The following RFT1 variants were observed in gnomAD, a reference collection of about 807,000 sequenced individuals.
RFT1 encodes man(5)GlcNAc(2)-PP-dolichol translocation protein RFT1.
A neutral mutation model predicts 62.2 loss-of-function variants in RFT1; 43 were observed. The observed-to-expected ratio is 0.69, with a 90% CI of 0.54 to 0.89. RFT1 has a LOEUF of 0.89. Ranked by LOEUF, RFT1 falls within the 40% of genes least tolerant of loss-of-function variation. The pLI is 0.00. For synonymous variants in RFT1, 262 were observed against 264.6 expected (o/e 0.99, Z 0.10); for missense variants, 605 against 649.9 (o/e 0.93, Z 0.75).
downstream of RFT1, among the ~76,000 whole-genome samples, chr3:53,085,295 C>T (rs1700832831): frequency 6.6e-6 from 1 of 152,162 alleles, no homozygotes; most frequent in Admixed American, 6.5e-5. Flanking sequence ...CAGAGCCTGG[C>T]CCCTGCCAGC....
chr3:53,107,057 G>T (rs557690748), intron 7 of RFT1, among the ~76,000 whole-genome samples, 188 bp from the exon 8 acceptor site: 1 of 151,548 alleles, frequency 6.6e-6, no homozygotes, highest in East Asian at 1.9e-4. Flanking sequence ...GGAAAGTGCT[G>T]AGGACTTTAT....
At chr3:53,121,627 C>T (rs1002815283) in intron 5 of RFT1, 72 bp downstream of exon 5, 23 of 1,196,056 alleles carry the variant, frequency 1.9e-5, no homozygotes, top group Middle Eastern at 1.9e-4. Context: ...GACCACACGG[C>T]GGTGGGAACA....
chr3:53,075,062 C>T, the RFT1 span, among the ~76,000 whole-genome samples: 2 of 152,142 alleles, frequency 1.3e-5, no homozygotes, highest in African/African-American at 4.8e-5. Context: ...AGAACAAGGC[C>T]CCTTGCCCCA....
In RFT1 at chr3:53,115,205, T is replaced by C. The variant is rs146834871; in HGVS notation, c.697-3297A>G. 1.3e-3 allele frequency among the ~76,000 whole-genome samples: 192 copies of C among 152,304 alleles called. 3 individuals carry two copies. The South Asian group carries it at 0.019, about 15-fold the overall frequency. On this transcript the variant is annotated intron_variant, in intron 6 of 12. Coordinates refer to ENST00000296292, the MANE Select transcript of RFT1 (RefSeq NM_052859.4). ...CAGGCTTTGGAGTCAAGCTTGGAGA[T>C]TGGGGCTCGACCTGCAGTTCCTTGA...
intron 9 of RFT1, among the ~76,000 whole-genome samples, chr3:53,104,399 T>A (rs1211825623): frequency 6.6e-6 from 1 of 152,058 alleles, no homozygotes; most frequent in Non-Finnish European, 1.5e-5. Context: ...TTTTTTTTTT[T>A]TAAATAGAAA....
At chr3:53,100,501 G>C (rs2107098400) in intron 10 of RFT1, among the ~76,000 whole-genome samples, 1 of 152,266 alleles carries the variant, frequency 6.6e-6, no homozygotes, top group Non-Finnish European at 1.5e-5. Flanking sequence ...GTAGCAGTTT[G>C]ATTCATAATA....
chr3:53,117,716 T>C (rs1701849053), intron 6 of RFT1, among the ~76,000 whole-genome samples: 1 of 152,152 alleles, frequency 6.6e-6, no homozygotes, highest in Non-Finnish European at 1.5e-5. Context: ...AGTGTGACGG[T>C]GGTGATATCG....
chr3:53,068,601 C>T, the RFT1 span, among the ~76,000 whole-genome samples: 4 of 152,128 alleles, frequency 2.6e-5, no homozygotes, highest in East Asian at 5.8e-4. Context: ...CATTTTCCAA[C>T]ATAACATCCA....
chr3:53,118,587 A>G (rs942028362), intron 6 of RFT1, among the ~76,000 whole-genome samples: 8 of 152,278 alleles, frequency 5.3e-5, no homozygotes, highest in African/African-American at 1.9e-4. Flanking sequence ...AAGTATCACA[A>G]GAGGAATAAG....
chr3:53,099,380 C>T lies in RFT1; in HGVS notation c.1208+1G>A. ...AAAGGTGTACCTGCTAGGTTACCCA[C>T]CTGTCGACCTCCTCTTTGCTCATGG... On this transcript the variant is annotated splice_donor_variant, in intron 11 of 12. Coordinates refer to ENST00000296292, the MANE Select transcript of RFT1 (RefSeq NM_052859.4). LOFTEE classifies it high-confidence loss of function. 1 of 1,612,728 alleles carries T rather than the reference C, an allele frequency of 6.2e-7. No individual in the cohort carries two copies. Among genetic ancestry groups the T allele is most frequent in the Non-Finnish European group, 8.5e-7 (1 of 1,178,710 alleles).
chr3:53,101,895 C>T (rs765483386), intron 10 of RFT1, among the ~76,000 whole-genome samples: 7 of 151,938 alleles, frequency 4.6e-5, no homozygotes, highest in South Asian at 2.1e-4. Flanking sequence ...AAAACTTAGT[C>T]GGGTGTGGTA....
intron 6 of RFT1, among the ~76,000 whole-genome samples, chr3:53,116,172 T>C (rs1701785083): frequency 6.6e-6 from 1 of 152,220 alleles, no homozygotes; most frequent in African/African-American, 2.4e-5. Context: ...ATATAATTAT[T>C]TGACCAGCTT....
Position 53,089,300 on chromosome 3 carries a change from C to G in RFT1, c.*2603G>C, listed in dbSNP as rs1438538882. ...CTCACTGAGAGACCCCAAGCCAAAT[C>G]TGAAGTGACCAACAGTTACCTGTGG... On this transcript the variant is annotated 3_prime_UTR_variant, in exon 13 of 13. Transcript: ENST00000296292. 6.6e-6 allele frequency: 1 copy of G among 152,390 alleles called. No homozygotes were observed. The highest frequency in any genetic ancestry group is 1.5e-5 in the Non-Finnish European group (1 of 68,176). 9.4% of individuals were successfully genotyped at this position (152,390 alleles called of 1,614,324 possible).
intron 11 of RFT1, among the ~76,000 whole-genome samples, chr3:53,095,463 A>T (rs543118235): frequency 1.3e-5 from 2 of 152,306 alleles, no homozygotes; most frequent in Admixed American, 1.3e-4. Context: ...CTGTAATCCC[A>T]GCATTTGGGA....
intron 8 of RFT1, 140 bp downstream of exon 8, chr3:53,106,679 A>C: frequency 1.4e-6 from 1 of 740,240 alleles, no homozygotes; most frequent in Non-Finnish European, 2.3e-6. Context: ...TAGTCAGTAC[A>C]AAGACCTACA....
chr3:53,110,070 C>T (rs1454531498), intron 7 of RFT1, among the ~76,000 whole-genome samples: 1 of 152,126 alleles, frequency 6.6e-6, no homozygotes, highest in Non-Finnish European at 1.5e-5. Context: ...TTGCAGTAAA[C>T]TTAAACCAGC....
the RFT1 span, among the ~76,000 whole-genome samples, chr3:53,077,107 A>G: frequency 2.0e-5 from 3 of 152,212 alleles, no homozygotes; most frequent in African/African-American, 7.2e-5. Flanking sequence ...GTATTGTTCA[A>G]CCTTTAAAAC....
At chr3:53,070,843 C>G in the RFT1 span, among the ~76,000 whole-genome samples, 3 of 151,396 alleles carry the variant, frequency 2.0e-5, no homozygotes, top group South Asian at 2.1e-4. Flanking sequence ...TCAAGACCAG[C>G]CCGGCTCAGC....
the RFT1 span, among the ~76,000 whole-genome samples, chr3:53,082,255 T>C: frequency 6.6e-6 from 1 of 152,014 alleles, no homozygotes; most frequent in African/African-American, 2.4e-5. Context: ...GGTGGGTGGG[T>C]TGCTTGAGGC....
Sources: allele counts gnomAD v4.1 joint callset (sites outside exome capture counted in the v4.1 genomes callset), GRCh38; gene constraint gnomAD v4.1.1; transcripts MANE v1.5; gene names NCBI Gene and HGNC (gene_info 2026-07-23, HGNC 2026-07-21).